The following VWA7 variants were observed in gnomAD, a reference collection of about 807,000 sequenced individuals.
VWA7 encodes von Willebrand factor A domain containing 7.
VWA7 carries 66 observed loss-of-function variants against 83.1 expected under a neutral mutation model. That is an observed-to-expected ratio of 0.79 (90% CI 0.65 to 0.98). The LOEUF is 0.98. VWA7 is among the 50% of genes least tolerant of loss of function. VWA7 has a pLI of 0.00. For missense variants in VWA7, 1,080 were observed against 1,160.2 expected (o/e 0.93, Z 1.00); for synonymous variants, 424 against 488.5 (o/e 0.87, Z 1.74).
chr6:31,773,514 C>T lies in VWA7; in HGVS notation c.722-77G>A, dbSNP rs1458984961. On this transcript the variant is annotated intron_variant, in intron 5 of 16. Transcript: ENST00000375688. This position sits in a 1 kb window ranked among gnomAD's most constrained non-coding sequence, Gnocchi z 5.3. Reference sequence around the variant, plus strand: ...CTAAGAAAATGAGGCCCTTTCAGGCCTGGCCTGACCCTCTCACCCCTCAGC... The same window carrying T: ...CTAAGAAAATGAGGCCCTTTCAGGCTTGGCCTGACCCTCTCACCCCTCAGC... 1 of 1,379,184 alleles carries T rather than the reference C, an allele frequency of 7.3e-7. No homozygotes were observed. The highest frequency in any genetic ancestry group is 9.7e-7 in the Non-Finnish European group (1 of 1,033,030). 85.4% of individuals were successfully genotyped at this position (1,379,184 alleles called of 1,614,324 possible).
intron 16 of VWA7, 51 bp downstream of exon 16, chr6:31,765,829 ACAC>A: frequency 1.2e-6 from 2 of 1,603,082 alleles, no homozygotes; most frequent in Non-Finnish European, 1.7e-6. Context: ...AATTAAACCT[ACAC>A]CACCCTCCCC....
Position 31,775,819 on chromosome 6 carries a change from A to G in VWA7, c.513+145T>C. 1 of 1,357,664 alleles carries G rather than the reference A, an allele frequency of 7.4e-7. No homozygotes were observed. 84.1% of individuals were successfully genotyped at this position (1,357,664 alleles called of 1,614,324 possible). A position where few individuals can be genotyped will look rare whatever the true frequency, so the allele number is the denominator to read the frequency against. On this transcript the variant is annotated intron_variant, in intron 3 of 16. Coordinates refer to ENST00000375688, the MANE Select transcript of VWA7 (RefSeq NM_025258.3). The surrounding 1 kb of genome is among the most constrained non-coding windows in gnomAD (Gnocchi z 5.9). ...GCCAGCTTGGAGGTGGGGAACTGGG[A>G]CACAGCCTCGGGGCACCGCGTGCCA...
intron 10 of VWA7, 89 bp from the exon 11 acceptor site, chr6:31,767,843 C>T (rs774880441): frequency 1.4e-4 from 209 of 1,470,468 alleles, no homozygotes; most frequent in Non-Finnish European, 1.8e-4. Flanking sequence ...AAAGAAACCA[C>T]GTCATTGGGC....
At position 31,769,794 on chromosome 6, in the gene VWA7, G is replaced by C. The variant is rs1811993241; in HGVS notation, c.1201-3C>G. 2.5e-6 allele frequency: 4 copies of C among 1,612,144 alleles called. No individual in the cohort carries two copies. The highest frequency in any genetic ancestry group is 3.4e-6 in the Non-Finnish European group (4 of 1,179,336). On this transcript the variant is annotated splice_polypyrimidine_tract_variant and splice_region_variant and intron_variant, in intron 8 of 16. Coordinates refer to ENST00000375688, the MANE Select transcript of VWA7 (RefSeq NM_025258.3). This position sits in a 1 kb window ranked among gnomAD's most constrained non-coding sequence, Gnocchi z 4.5. ...GGAGGTGTGTGCAGCAGGGCCAGCT[G>C]GCAGGGAAGGCAACGACCAGTGTTA...
Position 31,776,481 on chromosome 6 carries a change from A to G in VWA7, c.234+65T>C. The G allele has an allele frequency of 7.2e-7, 1 of 1,396,766 alleles. No homozygotes were observed. Among genetic ancestry groups the G allele is most frequent in the Non-Finnish European group, 9.7e-7 (1 of 1,035,746 alleles). 86.5% of individuals were successfully genotyped at this position (1,396,766 alleles called of 1,614,324 possible). Reference sequence around the variant, plus strand: ...CTTCTCTTGGCAACCAGAGCCCTCAAGGAGTAGAGGCCCCATGGAATTGGG... The same window carrying G: ...CTTCTCTTGGCAACCAGAGCCCTCAGGGAGTAGAGGCCCCATGGAATTGGG... On this transcript the variant is annotated intron_variant, in intron 2 of 16. Coordinates refer to ENST00000375688, the MANE Select transcript of VWA7 (RefSeq NM_025258.3). This position sits in a 1 kb window ranked among gnomAD's most constrained non-coding sequence, Gnocchi z 6.2.
chr6:31,774,571 C>T lies in VWA7; in HGVS notation c.666G>A (p.Leu222=). The change falls in exon 5 of 17, where the codon CTG becomes CTA. Residue 222 remains leucine (L), a synonymous_variant. Transcript: ENST00000375688. ...CEELSCPRNW[L]GFTLLTSGYF... ...AGCCAGAGGTGAGGAGTGTGAAGCCCAGCCAATTCCTGGGGCAGCTCAACT... is the reference window on the plus strand; with the variant it reads ...AGCCAGAGGTGAGGAGTGTGAAGCCTAGCCAATTCCTGGGGCAGCTCAACT... 6.2e-7 allele frequency: 1 copy of T among 1,612,846 alleles called. No individual in the cohort carries two copies. Among genetic ancestry groups the T allele is most frequent in the Non-Finnish European group, 8.5e-7 (1 of 1,179,958 alleles).
chr6:31,771,990 C>CAAAAA (rs34193146), intron 7 of VWA7, among the ~76,000 whole-genome samples: 5 of 41,932 alleles, frequency 1.2e-4, no homozygotes, highest in Non-Finnish European at 2.1e-4. Flanking sequence ...GACTCCGTCT[C>CAAAAA]AAAAAAAAAA....
In VWA7 at chr6:31,767,706, C is replaced by T; in HGVS notation, c.1552G>A (p.Val518Met). 6.2e-7 allele frequency: 1 copy of T among 1,613,214 alleles called. No individual in the cohort carries two copies. Among genetic ancestry groups the T allele is most frequent in the Non-Finnish European group, 8.5e-7 (1 of 1,179,200 alleles). The change falls in exon 11 of 17, where the codon GTG becomes ATG. Residue 518 changes from valine (V) to methionine (M), a missense_variant. Coordinates refer to ENST00000375688, the MANE Select transcript of VWA7 (RefSeq NM_025258.3). ...TGGAGCAGCCCATCCACGCTGAACA[C>T]AAGTGGCTGCCCAGGCACCACAACA... ...PPVVVPGQPL[V>M]FSVDGLLQKI...
At position 31,773,612 on chromosome 6, in the gene VWA7, C is replaced by A. The variant is rs538770008; in HGVS notation, c.722-175G>T. On this transcript the variant is annotated intron_variant, in intron 5 of 16. Transcript: ENST00000375688. This position sits in a 1 kb window ranked among gnomAD's most constrained non-coding sequence, Gnocchi z 5.3. ...CTGGAATCCCAGCGCTTTGGGAGGC[C>A]GAGGCCGGCAGATCATCTGAGATCA... Among the ~76,000 whole-genome samples the A allele has an allele frequency of 7.2e-5, 11 of 151,926 alleles. No individual in the cohort carries two copies. The highest frequency in any genetic ancestry group is 1.6e-4 in the Non-Finnish European group (11 of 67,968).
Position 31,773,440 on chromosome 6 carries a change from G to A in VWA7, c.722-3C>T, listed in dbSNP as rs376433179. The A allele has an allele frequency of 7.0e-6, 11 of 1,579,682 alleles. No individual in the cohort carries two copies. In the African/African-American group the frequency reaches 1.5e-4, roughly 21 times the overall value. On this transcript the variant is annotated splice_polypyrimidine_tract_variant and splice_region_variant and intron_variant, in intron 5 of 16. Coordinates refer to ENST00000375688, the MANE Select transcript of VWA7 (RefSeq NM_025258.3). This position sits in a 1 kb window ranked among gnomAD's most constrained non-coding sequence, Gnocchi z 5.3. ...ATGGCCCCCGTGGCTACATTTCCCTGGGTTGGGGAAAGGGATCTGGAGAGT... is the reference window on the plus strand; with the variant it reads ...ATGGCCCCCGTGGCTACATTTCCCTAGGTTGGGGAAAGGGATCTGGAGAGT...
chr6:31,766,694 C>T lies in VWA7; in HGVS notation c.1953G>A (p.Pro651=), dbSNP rs955378077. 6 of 1,612,486 alleles carry T rather than the reference C, an allele frequency of 3.7e-6. No homozygotes were observed. Among genetic ancestry groups the T allele is most frequent in the South Asian group, 1.1e-5 (1 of 91,050 alleles). ...GSRANPGDPQ[P]HFSHVILRGV... ...CTCGAAGGATGACGTGGGAGAAATGCGGCTGAGGATCCCCAGGATTGGCTC... is the reference window on the plus strand; with the variant it reads ...CTCGAAGGATGACGTGGGAGAAATGTGGCTGAGGATCCCCAGGATTGGCTC... The change falls in exon 14 of 17, where the codon CCG becomes CCA. Residue 651 remains proline, a synonymous_variant. Transcript: ENST00000375688. This position sits in a 1 kb window ranked among gnomAD's most constrained non-coding sequence, Gnocchi z 4.9.
chr6:31,771,004 T>A, intron 7 of VWA7, among the ~76,000 whole-genome samples: 1 of 119,498 alleles, frequency 8.4e-6, no homozygotes, highest in Non-Finnish European at 1.7e-5. Context: ...TCTCCCTCTC[T>A]CTCTCTCAAA....
In VWA7 at chr6:31,766,734, G is replaced by A. The variant is rs1462401778; in HGVS notation, c.1913C>T (p.Thr638Ile). Residue 638 changes from threonine to isoleucine, a missense_variant, in exon 14 of 17, where the codon ACA (threonine) becomes ATA (isoleucine). Physicochemically the swap from Thr to Ile is moderately conservative, Grantham distance 89. Transcript: ENST00000375688. The surrounding 1 kb of genome is among the most constrained non-coding windows in gnomAD (Gnocchi z 4.9). ...GLQTQLLVEV[T>I]GLGSRANPGD... ...AGGATTGGCTCTGGAACCCAACCCT[G>A]TCACTTCTACCAGCAGCTGGGTCTG... 4 of 1,608,228 alleles carry A rather than the reference G, an allele frequency of 2.5e-6. No individual in the cohort carries two copies. Among genetic ancestry groups the A allele is most frequent in the African/African-American group, 2.7e-5 (2 of 74,976 alleles).
chr6:31,767,727 C>G lies in VWA7; in HGVS notation c.1531G>C (p.Val511Leu), dbSNP rs1447560485. The G allele has an allele frequency of 1.1e-5, 17 of 1,611,286 alleles. No individual in the cohort carries two copies. Among genetic ancestry groups the G allele is most frequent in the Non-Finnish European group, 1.4e-5 (17 of 1,177,680 alleles). Residue 511 changes from valine (V) to leucine (L), a missense_variant, in exon 11 of 17, where the codon GTG (valine) becomes CTG (leucine). Val to Leu is a conservative substitution (Grantham distance 32, BLOSUM62 1). Transcript: ENST00000375688. ...LVTLPLDPPV[V>L]VPGQPLVFSV... is the part of the protein sequence containing the mutation. ...AACACAAGTGGCTGCCCAGGCACCA[C>G]AACAGGAGGGTCCAGGGGAAGAGTC...
Position 31,777,235 on chromosome 6 carries a change from G to A in VWA7, c.-142C>T. The stretch of plus-strand genomic sequence containing the variant: ...GCCTCAACAGGGTGGGGGAGGACAG[G>A]CAACCCCTGGCCCTTTCGCTCCTGC... On this transcript the variant is annotated 5_prime_UTR_variant, in exon 1 of 17. Coordinates refer to ENST00000375688, the MANE Select transcript of VWA7 (RefSeq NM_025258.3). This position sits in a 1 kb window ranked among gnomAD's most constrained non-coding sequence, Gnocchi z 5.8. The A allele has an allele frequency of 2.3e-6, 1 of 428,392 alleles. No homozygotes were observed. The highest frequency in any genetic ancestry group is 4.2e-6 in the Non-Finnish European group (1 of 237,418). 26.5% of individuals were successfully genotyped at this position (428,392 alleles called of 1,614,324 possible). A position where few individuals can be genotyped will look rare whatever the true frequency, so the allele number is the denominator to read the frequency against.
At chr6:31,772,584 C>CTTTTT (rs9279415) in intron 7 of VWA7, among the ~76,000 whole-genome samples, 793 of 35,178 alleles carry the variant, frequency 0.023, 6 homozygotes, top group Non-Finnish European at 0.026. Context: ...TCTTTCTTTT[C>CTTTTT]TTTTTTTTTT....
At position 31,774,575 on chromosome 6, in the gene VWA7, C is replaced by T; in HGVS notation, c.662G>A (p.Trp221Ter). 3 of 1,612,870 alleles carry T rather than the reference C, an allele frequency of 1.9e-6. No homozygotes were observed. The highest frequency in any genetic ancestry group is 2.5e-6 in the Non-Finnish European group (3 of 1,179,964). ...DCEELSCPRNWLGFTLLTSGY... is the reference protein window; with the variant it reads ...DCEELSCPRN ...AGAGGTGAGGAGTGTGAAGCCCAGC[C>T]AATTCCTGGGGCAGCTCAACTCCTC... The change falls in exon 5 of 17, where the codon TGG (tryptophan) becomes TAG (stop). Residue 221 changes from tryptophan (W) to a stop codon, truncating the protein, a stop_gained. Transcript: ENST00000375688. LOFTEE classifies it high-confidence loss of function.
rs1210266662 is a variant in VWA7 at position 31,769,040 on chromosome 6, A to G, written c.1481T>C (p.Val494Ala). Residue 494 changes from valine (V) to alanine (A), a missense_variant, in exon 10 of 17, where the codon GTT (valine) becomes GCT (alanine). Physicochemically the swap from Val to Ala is moderately conservative, Grantham distance 64. Transcript: ENST00000375688. This position sits in a 1 kb window ranked among gnomAD's most constrained non-coding sequence, Gnocchi z 4.5. ...DQHIRDVAAI[V>A]GESMAALVTL... ...TACCAGGGCAGCCATGCTCTCCCCA[A>G]CAATGGCTGCCACGTCTCGAATGTG... 3.7e-6 allele frequency: 6 copies of G among 1,612,250 alleles called. No individual in the cohort carries two copies. In the East Asian group the frequency reaches 1.3e-4, roughly 36 times the overall value.
Position 31,774,570 on chromosome 6 carries a change from C to T in VWA7, c.667G>A (p.Gly223Ser). The change falls in exon 5 of 17, where the codon GGC becomes AGC. Residue 223 changes from glycine (G) to serine (S), a missense_variant. Transcript: ENST00000375688. ...TAGCCAGAGGTGAGGAGTGTGAAGC[C>T]CAGCCAATTCCTGGGGCAGCTCAAC... ...EELSCPRNWL[G>S]FTLLTSGYFG... is the part of the protein sequence containing the mutation. 1 of 1,612,762 alleles carries T rather than the reference C, an allele frequency of 6.2e-7. No individual in the cohort carries two copies. The highest frequency in any genetic ancestry group is 8.5e-7 in the Non-Finnish European group (1 of 1,179,948).
Sources: gnomAD v4.1 joint callset for allele counts (sites outside exome capture counted in the v4.1 genomes callset) on GRCh38, gnomAD v4.1.1 for gene constraint, Gnocchi (gnomAD v3.1) non-coding constraint, MANE v1.5 for transcripts, NCBI Gene and HGNC (gene_info 2026-07-23, HGNC 2026-07-21) for gene names.